WDR90: variants seen among roughly 807,000 people sequenced by gnomAD.
WDR90 encodes the protein WD repeat domain 90.
WDR90 carries 238 observed loss-of-function variants against 195.2 expected under a neutral mutation model. That is an observed-to-expected ratio of 1.22 (90% CI 1.10 to 1.36). WDR90 has a LOEUF of 1.36. Ranked by LOEUF, WDR90 falls within the 40% of genes most tolerant of loss-of-function variation. The pLI is 0.00. For missense variants in WDR90, 2,734 were observed against 2,439.5 expected, an observed-to-expected ratio of 1.12 and a Z score of -2.54; for synonymous variants, 1,265 against 1,052.4, an observed-to-expected ratio of 1.20 and a Z score of -3.91.
rs2037720150 is a variant in WDR90 at position 655,031 on chromosome 16, G to A, written c.1440G>A (p.Met480Ile). ...GVGKDHHGRT[M>I]VVAWGTGQVG... ...GGCTCAGCCTGGGCTTGTTGCAGAT[G>A]GTGGTGGCCTGGGGCACCGGCCAGG... The change falls in exon 14 of 41, where the codon ATG becomes ATA. Residue 480 changes from methionine (M) to isoleucine (I), a missense_variant and splice_region_variant. By Grantham distance (10) the Met-to-Ile change is conservative. Transcript: ENST00000293879. The A allele has an allele frequency of 2.5e-6, 4 of 1,612,356 alleles. No homozygotes were observed. The highest frequency in any genetic ancestry group is 1.3e-5 in the African/African-American group (1 of 75,056).
chr16:650,021 A>AG lies in WDR90; in HGVS notation c.133_134insG (p.Ile45SerfsTer15). ...GACCCTGAAGGGCGCCGTGTATCGCATTCGGGGCTCAGTCTCTGCCGCCAA... is the reference window on the plus strand; with the variant it reads ...GACCCTGAAGGGCGCCGTGTATCGCAGTTCGGGGCTCAGTCTCTGCCGCCAA... On this transcript the variant is annotated frameshift_variant, in exon 3 of 41. Transcript: ENST00000293879. LOFTEE classifies it high-confidence loss of function. 6.2e-7 allele frequency: 1 copy of AG among 1,612,818 alleles called. No homozygotes were observed. The highest frequency in any genetic ancestry group is 8.5e-7 in the Non-Finnish European group (1 of 1,179,968).
chr16:649,589 C>G, intron 1 of WDR90, 163 bp downstream of exon 1: 2 of 1,159,736 alleles, frequency 1.7e-6, no homozygotes, highest in Non-Finnish European at 1.1e-6. Flanking sequence ...GCTCCCGGAG[C>G]TTGGCTTCCC....
chr16:666,265 G>A lies in WDR90; in HGVS notation c.4655G>A (p.Ser1552Asn). Residue 1552 changes from serine (S) to asparagine (N), a missense_variant, in exon 37 of 41, where the codon AGC (serine) becomes AAC (asparagine). Physicochemically the swap from Ser to Asn is conservative, Grantham distance 46. Coordinates refer to ENST00000293879, the MANE Select transcript of WDR90 (RefSeq NM_145294.5). ...GACAAGGATGGGCTCGTGGCTGTGA[G>A]CCACCCCTGCACAGGGACAACCTTC... ...SGDKDGLVAVSHPCTGTTFRV... is the reference protein window; with the variant it reads ...SGDKDGLVAVNHPCTGTTFRV... 1.9e-6 allele frequency: 3 copies of A among 1,612,720 alleles called. No homozygotes were observed. The highest frequency in any genetic ancestry group is 2.5e-6 in the Non-Finnish European group (3 of 1,179,972).
In WDR90 at chr16:665,173, T is replaced by G; in HGVS notation, c.4312-506T>G. The G allele has an allele frequency of 3.7e-5, 9 of 240,578 alleles. 1 individual carries two copies. Among genetic ancestry groups the G allele is most frequent in the East Asian group, 2.1e-4 (3 of 14,230 alleles). 14.9% of individuals were successfully genotyped at this position (240,578 alleles called of 1,614,324 possible). On this transcript the variant is annotated intron_variant, in intron 34 of 40. Transcript: ENST00000293879. ...TTTCCCCCCAATCAGCGTGCAGCGG[T>G]TTTGGGAGGAGGAATGCGACTGCAT...
chr16:654,834 C>T, intron 13 of WDR90, 195 bp from the exon 14 acceptor site: 1 of 597,128 alleles, frequency 1.7e-6, no homozygotes, highest in Non-Finnish European at 3.0e-6. Context: ...CATTGCGGGT[C>T]TCTGTAGAAG....
chr16:660,205 C>G (rs2037866302), intron 27 of WDR90, 44 bp downstream of exon 27: 1 of 1,450,714 alleles, frequency 6.9e-7, no homozygotes, highest in Admixed American at 2.4e-5. Flanking sequence ...CCAGCAAGCA[C>G]AGAGGCCCCC....
chr16:653,732 C>T lies in WDR90; in HGVS notation c.1380-14C>T, dbSNP rs1323637879. ...CAGCCCAGGCGACAATGACCACCTC[C>T]TCCCTGTTCACAGCTTCTCTGACAG... On this transcript the variant is annotated splice_polypyrimidine_tract_variant and intron_variant, in intron 12 of 40. Transcript: ENST00000293879. The T allele has an allele frequency of 6.2e-7, 1 of 1,613,220 alleles. No homozygotes were observed. The highest frequency in any genetic ancestry group is 1.3e-5 in the African/African-American group (1 of 74,948).
chr16:660,320 CA>C (rs1349730389), intron 27 of WDR90, among the ~76,000 whole-genome samples, 159 bp downstream of exon 27: 8 of 152,242 alleles, frequency 5.3e-5, no homozygotes, highest in African/African-American at 1.9e-4. Context: ...CCCACACCCC[CA>C]CCCCTGCCCT....
At position 649,409 on chromosome 16, in the gene WDR90, G is replaced by A; in HGVS notation, c.-8G>A. On this transcript the variant is annotated 5_prime_UTR_variant, in exon 1 of 41. Transcript: ENST00000293879. The stretch of plus-strand genomic sequence containing the variant: ...GAGGCCTAGGCGGGAAGCTCGAGCG[G>A]CGGCGCCATGGCCCGAGGTAGCGCG... 2 of 1,315,272 alleles carry A rather than the reference G, an allele frequency of 1.5e-6. No individual in the cohort carries two copies. Among genetic ancestry groups the A allele is most frequent in the Non-Finnish European group, 1.9e-6 (2 of 1,035,320 alleles). 81.5% of individuals were successfully genotyped at this position (1,315,272 alleles called of 1,614,324 possible). A position where few individuals can be genotyped will look rare whatever the true frequency, so the allele number is the denominator to read the frequency against.
intron 13 of WDR90, 71 bp from the exon 14 acceptor site, chr16:654,958 G>A (rs545075180): frequency 1.9e-4 from 278 of 1,499,636 alleles, no homozygotes; most frequent in Non-Finnish European, 2.3e-4. Context: ...GGTGGGGCTC[G>A]GCTGGGCCTT....
rs969500594 is a variant in WDR90 at position 649,504 on chromosome 16, C to G, written c.10+78C>G. Reference sequence around the variant, plus strand: ...GTCCAGGGTCGGCGGCCGGAGCGCTCAGGGCCCCCGCCTAGGCCCTGAGGC... The same window carrying G: ...GTCCAGGGTCGGCGGCCGGAGCGCTGAGGGCCCCCGCCTAGGCCCTGAGGC... On this transcript the variant is annotated intron_variant, in intron 1 of 40. Coordinates refer to ENST00000293879, the MANE Select transcript of WDR90 (RefSeq NM_145294.5). 190 of 1,276,758 alleles carry G rather than the reference C, an allele frequency of 1.5e-4. No homozygotes were observed. In the East Asian group the frequency reaches 3.7e-3, roughly 25 times the overall value. The allele number at this position is 1,276,758 out of a possible 1,614,324, so 79.1% of individuals were successfully genotyped here. A position where few individuals can be genotyped will look rare whatever the true frequency, so the allele number is the denominator to read the frequency against.
intron 20 of WDR90, chr16:657,505 C>T (rs1417359505): frequency 9.9e-6 from 7 of 705,018 alleles, no homozygotes; most frequent in Non-Finnish European, 1.6e-5. Context: ...TGGGCACCTG[C>T]CCTGTCCTGC....
In WDR90 at chr16:655,773, GC is replaced by G; in HGVS notation, c.1854del (p.Gly619AlafsTer172). The G allele has an allele frequency of 1.3e-6, 2 of 1,586,112 alleles. No homozygotes were observed. Among genetic ancestry groups the G allele is most frequent in the Middle Eastern group, 1.7e-4 (1 of 6,012 alleles). ...GGCACTGACGCCTCCCTGCCCCCAG[GC>G]CCCGGCATTGCCATCAGCAGCCTCA... ...PHPQKQTFSSGPGIAISSLSV... is the reference protein window; with the variant it reads ...PHPQKQTFSSXPGIAISSLSV... On this transcript the variant is annotated frameshift_variant and splice_region_variant, in exon 17 of 41. Coordinates refer to ENST00000293879, the MANE Select transcript of WDR90 (RefSeq NM_145294.5). LOFTEE classifies it high-confidence loss of function.
chr16:655,476 C>T lies in WDR90; in HGVS notation c.1718+8C>T. On this transcript the variant is annotated splice_region_variant and intron_variant, in intron 15 of 40. Transcript: ENST00000293879. ...GCCCTCGGCTGCCATGCTGTGAGTC[C>T]CTGCCCTTCCCCACGGCCTGCCCCG... 6.5e-7 allele frequency: 1 copy of T among 1,527,304 alleles called. No individual in the cohort carries two copies. The allele number at this position is 1,527,304 out of a possible 1,614,324, so 94.6% of individuals were successfully genotyped here.
At position 661,494 on chromosome 16, in the gene WDR90, C is replaced by T. The variant is rs1184501018; in HGVS notation, c.3666C>T (p.Val1222=). 6.2e-7 allele frequency: 1 copy of T among 1,603,178 alleles called. No homozygotes were observed. The highest frequency in any genetic ancestry group is 2.2e-5 in the East Asian group (1 of 44,602). ...TCTCACCAGATGACAGGCTTCTTGT[C>T]ACACTGGGTCAGTGGGAGGGAGGGT... ...LAFSPDDRLL[V]TLGDHDGRTL... Residue 1222 remains valine, a synonymous_variant, in exon 30 of 41, where the codon GTC becomes GTT. Coordinates refer to ENST00000293879, the MANE Select transcript of WDR90 (RefSeq NM_145294.5).
rs372121522 is a variant in WDR90 at position 650,711 on chromosome 16, T to A, written c.559+2T>A. 1 of 1,604,882 alleles carries A rather than the reference T, an allele frequency of 6.2e-7. No individual in the cohort carries two copies. Among genetic ancestry groups the A allele is most frequent in the Non-Finnish European group, 8.5e-7 (1 of 1,173,592 alleles). Reference sequence around the variant, plus strand: ...CCAGTGACCTGTGCTTTGAGCCTGGTGAGGGCCGCACCTGCACTCCCCACT... The same window carrying A: ...CCAGTGACCTGTGCTTTGAGCCTGGAGAGGGCCGCACCTGCACTCCCCACT... On this transcript the variant is annotated splice_donor_variant, in intron 5 of 40. Coordinates refer to ENST00000293879, the MANE Select transcript of WDR90 (RefSeq NM_145294.5). LOFTEE classifies it high-confidence loss of function.
chr16:651,120 C>T lies in WDR90; in HGVS notation c.668+17C>T, dbSNP rs2037637673. ...CCACGTCCGGTGAGTGGTTCTGCTT[C>T]TTTCGAGGGAGGCCTCGGTGGTGGG... On this transcript the variant is annotated intron_variant, in intron 6 of 40. Transcript: ENST00000293879. The T allele has an allele frequency of 6.6e-7, 1 of 1,518,216 alleles. No homozygotes were observed. The highest frequency in any genetic ancestry group is 9.1e-7 in the Non-Finnish European group (1 of 1,101,002). 94.0% of individuals were successfully genotyped at this position (1,518,216 alleles called of 1,614,324 possible). A position where few individuals can be genotyped will look rare whatever the true frequency, so the allele number is the denominator to read the frequency against.
In WDR90 at chr16:649,839, C is replaced by G; in HGVS notation, c.87C>G (p.Asp29Glu). The G allele has an allele frequency of 6.3e-7, 1 of 1,581,890 alleles. No homozygotes were observed. The highest frequency in any genetic ancestry group is 8.6e-7 in the Non-Finnish European group (1 of 1,164,312). Residue 29 changes from aspartate to glutamate, a missense_variant, in exon 2 of 41, where the codon GAC becomes GAG. Transcript: ENST00000293879. ...DEWKRSAKQG[D>E]VAVVTDKTLK... Reference sequence around the variant, plus strand: ...GGAAGCGCTCCGCCAAGCAGGGGGACGTGGCCGTGGTCACGGTAGGCGGCC... The same window carrying G: ...GGAAGCGCTCCGCCAAGCAGGGGGAGGTGGCCGTGGTCACGGTAGGCGGCC...
Position 650,651 on chromosome 16 carries a change from G to C in WDR90, c.501G>C (p.Arg167Ser). 3 of 1,612,730 alleles carry C rather than the reference G, an allele frequency of 1.9e-6. No individual in the cohort carries two copies. The highest frequency in any genetic ancestry group is 2.5e-6 in the Non-Finnish European group (3 of 1,179,878). Reference sequence around the variant, plus strand: ...GCTACGGCCATCTCAAGAGCATCAGGCTGTGCGCCAGCCTGCTGGTCAGGA... The same window carrying C: ...GCTACGGCCATCTCAAGAGCATCAGCCTGTGCGCCAGCCTGCTGGTCAGGA... The part of the protein sequence containing the change: ...NRCYGHLKSI[R>S]LCASLLVRNL... The change falls in exon 5 of 41, where the codon AGG (arginine) becomes AGC (serine). Residue 167 changes from arginine (R) to serine (S), a missense_variant. Physicochemically the swap from Arg to Ser is moderately radical, Grantham distance 110 (BLOSUM62 -1). Coordinates refer to ENST00000293879, the MANE Select transcript of WDR90 (RefSeq NM_145294.5).
Sources: gnomAD v4.1 joint callset for allele counts (sites outside exome capture counted in the v4.1 genomes callset) on GRCh38, gnomAD v4.1.1 for gene constraint, MANE v1.5 for transcripts, NCBI Gene and HGNC (gene_info 2026-07-23, HGNC 2026-07-21) for gene names.